Variants in AKAP1 observed in about 807,000 individuals in gnomAD.
The protein encoded by AKAP1 is A-kinase anchoring protein 1.
AKAP1 carries 32 observed loss-of-function variants against 79.8 expected under a neutral mutation model. The ratio of observed to expected loss-of-function variants is 0.40; its 90% CI spans 0.30 to 0.54. The LOEUF is 0.54. Among genes scored for constraint, AKAP1 ranks in the 20% least tolerant of loss-of-function variants. The pLI is 0.47. For missense variants in AKAP1, 961 were observed against 1,138.9 expected, an observed-to-expected ratio of 0.84 and a Z score of 2.25; for synonymous variants, 416 against 466.7, an observed-to-expected ratio of 0.89 and a Z score of 1.40.
Position 57,105,941 on chromosome 17 carries a change from CA to C in AKAP1, c.480del (p.Lys160AsnfsTer25), listed in dbSNP as rs1256934395. ...CCCCAAAGGGTGTACTATTCTCCAG[CA>C]AATCAGCTGAGGTGTGTAAGCAAGA... is the stretch of plus-strand genomic sequence containing the variant. ...SSPKGVLFSSKSAEVCKQDSP... is the reference protein window; with the variant it reads ...SSPKGVLFSSXSAEVCKQDSP... On this transcript the variant is annotated frameshift_variant, in exon 2 of 11. Transcript: ENST00000337714. LOFTEE classifies it high-confidence loss of function. The C allele has an allele frequency of 6.2e-7, 1 of 1,614,204 alleles. No homozygotes were observed. Among genetic ancestry groups the C allele is most frequent in the East Asian group, 2.2e-5 (1 of 44,886 alleles).
intron 1 of AKAP1, among the ~76,000 whole-genome samples, chr17:57,091,632 G>GC (rs1244713301): frequency 6.6e-6 from 1 of 152,006 alleles, no homozygotes; most frequent in Non-Finnish European, 1.5e-5. Context: ...ACCCCTTGTT[G>GC]CCCCAGCAGG....
At chr17:57,111,365 A>G (rs1915236471) in intron 3 of AKAP1, among the ~76,000 whole-genome samples, 1 of 152,158 alleles carries the variant, frequency 6.6e-6, no homozygotes, top group Non-Finnish European at 1.5e-5. Flanking sequence ...AGTAGACTTG[A>G]GGGAGAGGGG....
chr17:57,107,883 T>G, intron 2 of AKAP1: 45 of 1,120,622 alleles, frequency 4.0e-5, no homozygotes, highest in Non-Finnish European at 5.2e-5. Flanking sequence ...GTGGGAGGCT[T>G]GAGCTTCCTG....
chr17:57,102,900 C>A (rs2144698253), intron 1 of AKAP1, among the ~76,000 whole-genome samples: 1 of 152,140 alleles, frequency 6.6e-6, no homozygotes, highest in East Asian at 1.9e-4. Context: ...GCCAACATGG[C>A]GAAACCCCGT....
Position 57,120,181 on chromosome 17 carries a change from C to T in AKAP1, c.2638-69C>T, listed in dbSNP as rs1915843937. 3.4e-6 allele frequency: 5 copies of T among 1,468,540 alleles called. No homozygotes were observed. The Admixed American group carries it at 9.4e-5, about 28-fold the overall frequency. The allele number at this position is 1,468,540 out of a possible 1,614,324, so 91.0% of individuals were successfully genotyped here. On this transcript the variant is annotated intron_variant, in intron 10 of 10. Transcript: ENST00000337714. Reference sequence around the variant, plus strand: ...GCAGTGGCAACCGGGGAGGGGAGAACTCATGTTGGCTAGGGAGATGGCCCC... The same window carrying T: ...GCAGTGGCAACCGGGGAGGGGAGAATTCATGTTGGCTAGGGAGATGGCCCC...
Position 57,118,439 on chromosome 17 carries a change from A to G in AKAP1, c.2559A>G (p.Thr853=), listed in dbSNP as rs1466783623. ...DAAMSEMTGN[T]ALLAQVTSYS... The stretch of plus-strand genomic sequence containing the variant: ...CCATGAGCGAGATGACGGGGAATAC[A>G]GCACTGCTTGCTCAGGTGTGTGGTT... The change falls in exon 9 of 11, where the codon ACA becomes ACG. Residue 853 remains threonine, a synonymous_variant. Transcript: ENST00000337714. 6.2e-7 allele frequency: 1 copy of G among 1,613,816 alleles called. No homozygotes were observed. The highest frequency in any genetic ancestry group is 8.5e-7 in the Non-Finnish European group (1 of 1,179,912).
chr17:57,106,188 G>A lies in AKAP1; in HGVS notation c.724G>A (p.Glu242Lys). Residue 242 changes from glutamate to lysine, a missense_variant, in exon 2 of 11, where the codon GAA (glutamate) becomes AAA (lysine). Physicochemically the swap from Glu to Lys is moderately conservative, Grantham distance 56 (BLOSUM62 1). Around this residue, in one of 3 missense-constraint regions of AKAP1, gnomAD observed 224 missense variants for 210.2 expected, o/e 1.07. Transcript: ENST00000337714. ...KGPSLASLEG[E>K]EDKGKSSSSQ... ...CCCCAGCCTGGCCTCTTTAGAGGGGGAAGAAGATAAGGGGAAGAGCAGCTC... is the reference window on the plus strand; with the variant it reads ...CCCCAGCCTGGCCTCTTTAGAGGGGAAAGAAGATAAGGGGAAGAGCAGCTC... 6.2e-7 allele frequency: 1 copy of A among 1,614,176 alleles called. No individual in the cohort carries two copies. The highest frequency in any genetic ancestry group is 1.1e-5 in the South Asian group (1 of 91,084).
At chr17:57,100,874 A>T (rs2332784) in intron 1 of AKAP1, among the ~76,000 whole-genome samples, 62,778 of 151,784 alleles carry the variant, frequency 0.41, 13,579 homozygotes, top group East Asian at 0.8. Flanking sequence ...TACTAAAAAT[A>T]CAAAATTAGC....
In AKAP1 at chr17:57,109,019, A is replaced by C. The variant is rs144238977; in HGVS notation, c.1715-1006A>C. ...CGAAGCGCCTAGTGTTAAGGGGGGA[A>C]GTCATTTTGAAGGTGATTCTTCCTT... On this transcript the variant is annotated intron_variant, in intron 2 of 10. Coordinates refer to ENST00000337714, the MANE Select transcript of AKAP1 (RefSeq NM_003488.4). Among the ~76,000 whole-genome samples the C allele has an allele frequency of 3.3e-4, 51 of 152,302 alleles. No individual in the cohort carries two copies. In the Middle Eastern group the frequency reaches 0.01, roughly 30 times the overall value.
intron 1 of AKAP1, among the ~76,000 whole-genome samples, chr17:57,099,760 T>C (rs1402494126): frequency 6.6e-6 from 1 of 151,912 alleles, no homozygotes; most frequent in East Asian, 1.9e-4. Context: ...TGGCCTGCAG[T>C]GGTGATTCTG....
Position 57,112,566 on chromosome 17 carries a change from A to G in AKAP1, c.2051A>G (p.Tyr684Cys). The G allele has an allele frequency of 6.2e-7, 1 of 1,614,124 alleles. No individual in the cohort carries two copies. Among genetic ancestry groups the G allele is most frequent in the South Asian group, 1.1e-5 (1 of 91,062 alleles). The change falls in exon 5 of 11, where the codon TAC becomes TGC. Residue 684 changes from tyrosine to cysteine, a missense_variant. Coordinates refer to ENST00000337714, the MANE Select transcript of AKAP1 (RefSeq NM_003488.4). ...AAAGAGCTGAACCTCACCAATATCT[A>G]CGCTCCCCCATTGCCTTCACTGGCA... ...KFKELNLTNI[Y>C]APPLPSLALP...
At chr17:57,100,787 T>G (rs1947801959) in intron 1 of AKAP1, among the ~76,000 whole-genome samples, 3 of 152,154 alleles carry the variant, frequency 2.0e-5, no homozygotes, top group Admixed American at 2.0e-4. Context: ...ATAGCCACTT[T>G]CCCGTCTCAA....
rs1915895551 is a variant in AKAP1, at chr17:57,121,102, T to C, written c.*778T>C. ...CTGTAGGTAGAAGTAAACTCTGCAG[T>C]GCAGCTTCTGCTCTTGGCCCCTCTG... On this transcript the variant is annotated 3_prime_UTR_variant, in exon 11 of 11. Coordinates refer to ENST00000337714, the MANE Select transcript of AKAP1 (RefSeq NM_003488.4). 6.6e-6 allele frequency: 1 copy of C among 152,516 alleles called. No homozygotes were observed. The highest frequency in any genetic ancestry group is 6.5e-5 in the Admixed American group (1 of 15,286). The allele number at this position is 152,516 out of a possible 1,614,324, so 9.4% of individuals were successfully genotyped here. A position where few individuals can be genotyped will look rare whatever the true frequency, so the allele number is the denominator to read the frequency against.
intron 1 of AKAP1, among the ~76,000 whole-genome samples, chr17:57,098,925 CTAT>C (rs982086435): frequency 1.6e-4 from 12 of 73,624 alleles, no homozygotes; most frequent in African/African-American, 5.5e-4. Flanking sequence ...CCAAGCCCCG[CTAT>C]TTTTTTTTTT....
chr17:57,091,679 A>ATTAT lies in AKAP1; in HGVS notation c.-25+6305_-25+6308dup, dbSNP rs368217273. On this transcript the variant is annotated intron_variant, in intron 1 of 10. Transcript: ENST00000337714. ...GAAACCACATAACCCCATTAAAAAC[A>ATTAT]TTATTTATTTATTTATTTATTTATT... 8.9e-3 allele frequency among the ~76,000 whole-genome samples: 1,342 copies of ATTAT among 150,892 alleles called. 10 individuals are homozygous for ATTAT. Among genetic ancestry groups the ATTAT allele is most frequent in the African/African-American group, 0.029 (1,185 of 41,012 alleles).
chr17:57,096,676 C>T (rs1331593706), intron 1 of AKAP1: 1 of 152,342 alleles, frequency 6.6e-6, no homozygotes, highest in African/African-American at 2.4e-5. Context: ...CACTCTGATT[C>T]CTGGCCCAGC....
chr17:57,099,017 G>A (rs1379797147), intron 1 of AKAP1, among the ~76,000 whole-genome samples: 5 of 151,462 alleles, frequency 3.3e-5, no homozygotes, highest in Admixed American at 6.6e-5. Context: ...TGCCCGCCTC[G>A]GCCTCCCAAA....
rs2065417190 is a variant in AKAP1, at chr17:57,121,261, T to A, written c.*937T>A. The A allele has an allele frequency of 6.6e-6, 1 of 151,400 alleles. No homozygotes were observed. Among genetic ancestry groups the A allele is most frequent in the Admixed American group, 6.6e-5 (1 of 15,218 alleles). The allele number at this position is 151,400 out of a possible 1,614,324, so 9.4% of individuals were successfully genotyped here. On this transcript the variant is annotated 3_prime_UTR_variant, in exon 11 of 11. Transcript: ENST00000337714. Reference sequence around the variant, plus strand: ...CTCATTGAATTAACTTGCAGTGGTGTGTTTGATTCTTTTTTAGACTGGCTT... The same window carrying A: ...CTCATTGAATTAACTTGCAGTGGTGAGTTTGATTCTTTTTTAGACTGGCTT...
chr17:57,111,899 G>C lies in AKAP1; in HGVS notation c.1950G>C (p.Gln650His), dbSNP rs760402252. The change falls in exon 4 of 11, where the codon CAG becomes CAC. Residue 650 changes from glutamine (Q) to histidine (H), a missense_variant. By Grantham distance (24) the Gln-to-His change is conservative. This residue lies in a region of AKAP1 where 629 missense variants were observed against 781.1 expected (regional missense o/e 0.81). Transcript: ENST00000337714. ...ACATTTCAACCCTGCCTTACACCCA[G>C]AGCGTCCAGATCTGCCACATAGAAG... Reference protein sequence around the residue: ...KIYISTLPYTQSVQICHIEGS... With the variant: ...KIYISTLPYTHSVQICHIEGS... 6 of 1,614,052 alleles carry C rather than the reference G, an allele frequency of 3.7e-6. No homozygotes were observed. The highest frequency in any genetic ancestry group is 5.1e-6 in the Non-Finnish European group (6 of 1,179,998).
Sources: gnomAD v4.1 joint callset for allele counts (sites outside exome capture counted in the v4.1 genomes callset) on GRCh38, gnomAD v4.1.1 for gene constraint, gnomAD v4.1.1 regional missense constraint, MANE v1.5 for transcripts, NCBI Gene and HGNC (gene_info 2026-07-23, HGNC 2026-07-21) for gene names.